Variants in ADGRL2 observed in about 807,000 individuals in gnomAD.
ADGRL2 encodes adhesion G protein-coupled receptor L2.
ADGRL2 carries 44 observed loss-of-function variants against 157.4 expected under a neutral mutation model. The ratio of observed to expected loss-of-function variants is 0.28; its 90% CI spans 0.22 to 0.36. The LOEUF (loss-of-function observed/expected upper bound fraction) is 0.36, where lower values mean the gene tolerates loss of function less well. Among genes scored for constraint, ADGRL2 ranks in the 10% least tolerant of loss-of-function variants. ADGRL2 has a pLI of 1.00. For synonymous variants in ADGRL2, 585 were observed against 624.7 expected, an observed-to-expected ratio of 0.94 and a Z score of 0.95; for missense variants, 1,510 against 1,768.9, an observed-to-expected ratio of 0.85 and a Z score of 2.63.
At chr1:81,860,197 C>G (rs1463747085) in intron 2 of ADGRL2, among the ~76,000 whole-genome samples, 4 of 152,154 alleles carry the variant, frequency 2.6e-5, no homozygotes, top group Admixed American at 2.0e-4. Context: ...GTACTCCAGC[C>G]TGGCGACAGA....
In ADGRL2 at chr1:81,991,271, A is replaced by G. The variant is rs555736453; in HGVS notation, c.*126A>G. ...TCTTGACCTGTGGTTCTCTGGTGTA[A>G]AAAAGATGACTGAACCTTGCAGTTC... On this transcript the variant is annotated 3_prime_UTR_variant, in exon 24 of 24. Coordinates refer to ENST00000686636, the MANE Select transcript of ADGRL2 (RefSeq NM_001366006.2). 2 of 866,182 alleles carry G rather than the reference A, an allele frequency of 2.3e-6. No homozygotes were observed. The highest frequency in any genetic ancestry group is 3.8e-5 in the South Asian group (2 of 51,982). 53.7% of individuals were successfully genotyped at this position (866,182 alleles called of 1,614,324 possible). A position where few individuals can be genotyped will look rare whatever the true frequency, so the allele number is the denominator to read the frequency against.
intron 1 of ADGRL2, among the ~76,000 whole-genome samples, chr1:81,737,055 C>G (rs2084925748): frequency 6.6e-6 from 1 of 151,964 alleles, no homozygotes; most frequent in Admixed American, 6.6e-5. Context: ...AGCATGGTCT[C>G]GATCTCCTGA....
chr1:81,306,877 A>AG (rs66490724), intron 1 of ADGRL2, among the ~76,000 whole-genome samples: 1 of 151,186 alleles, frequency 6.6e-6, no homozygotes, highest in Non-Finnish European at 1.5e-5. Context: ...ACCGTAACAA[A>AG]TTTTTTTTTT....
chr1:81,403,196 G>A (rs1334350178), intron 1 of ADGRL2, among the ~76,000 whole-genome samples: 2 of 151,560 alleles, frequency 1.3e-5, no homozygotes, highest in Non-Finnish European at 2.9e-5. Context: ...AAGAAAAAGG[G>A]AGCTATTGGA....
At chr1:81,624,784 CTG>C (rs2081874491) in intron 3 of ADGRL2, among the ~76,000 whole-genome samples, 1 of 152,176 alleles carries the variant, frequency 6.6e-6, no homozygotes, top group South Asian at 2.1e-4. Flanking sequence ...AGGAAACTGA[CTG>C]TGAAGTATGG....
intron 2 of ADGRL2, among the ~76,000 whole-genome samples, chr1:81,541,296 C>A (rs1167744272): frequency 1.3e-5 from 2 of 152,108 alleles, no homozygotes; most frequent in Admixed American, 1.3e-4. Context: ...AGGATGCAAC[C>A]AATGTCCAAA....
intron 1 of ADGRL2, among the ~76,000 whole-genome samples, chr1:81,355,649 G>T (rs1663230241): frequency 6.6e-6 from 1 of 151,358 alleles, no homozygotes; most frequent in Admixed American, 6.6e-5. Flanking sequence ...TACAGCACAA[G>T]AAGTGTACTA....
intron 2 of ADGRL2, among the ~76,000 whole-genome samples, chr1:81,773,540 T>C (rs2086459253): frequency 6.6e-6 from 1 of 152,112 alleles, no homozygotes; most frequent in Non-Finnish European, 1.5e-5. Flanking sequence ...CTTCTTATGG[T>C]AAGGTTAGGA....
intron 2 of ADGRL2, among the ~76,000 whole-genome samples, chr1:81,578,213 T>G (rs1570553219): frequency 1.3e-5 from 2 of 152,152 alleles, no homozygotes; most frequent in African/African-American, 2.4e-5. Context: ...AGGTAATGCT[T>G]GTCAGAAAGA....
intron 2 of ADGRL2, among the ~76,000 whole-genome samples, chr1:81,522,259 C>T (rs182678160): frequency 7.9e-5 from 12 of 151,938 alleles, no homozygotes; most frequent in South Asian, 2.1e-4. Flanking sequence ...GCCACTGTGC[C>T]GGGCCATAAA....
chr1:81,838,958 T>C (rs709703), intron 2 of ADGRL2, among the ~76,000 whole-genome samples: 151,140 of 151,986 alleles, frequency 0.99, 75,159 homozygotes, highest in Middle Eastern at 1. Flanking sequence ...AGAGTATACA[T>C]AGTTAATACA....
intron 1 of ADGRL2, chr1:81,721,891 A>G: frequency 1.4e-6 from 1 of 726,222 alleles, no homozygotes. Context: ...AAGGTGGAGG[A>G]AAACTTAAAG....
intron 1 of ADGRL2, among the ~76,000 whole-genome samples, chr1:81,835,072 A>T (rs1311281238): frequency 6.6e-6 from 1 of 152,056 alleles, no homozygotes; most frequent in Non-Finnish European, 1.5e-5. Context: ...CTTCCCACAA[A>T]CAAGGGCTCT....
chr1:81,911,110 T>C (rs1167703253), intron 3 of ADGRL2, among the ~76,000 whole-genome samples: 1 of 152,120 alleles, frequency 6.6e-6, no homozygotes, highest in Non-Finnish European at 1.5e-5. Context: ...ATGGTAAAAA[T>C]ATTGTATTCA....
chr1:81,521,301 T>C (rs1457066299), intron 2 of ADGRL2, among the ~76,000 whole-genome samples: 1 of 152,204 alleles, frequency 6.6e-6, no homozygotes, highest in African/African-American at 2.4e-5. Flanking sequence ...TTTTCCATCC[T>C]TTAAAACTAT....
At chr1:81,504,661 G>A (rs1420446446) in intron 2 of ADGRL2, among the ~76,000 whole-genome samples, 1 of 152,130 alleles carries the variant, frequency 6.6e-6, no homozygotes, top group African/African-American at 2.4e-5. Flanking sequence ...ACGGGGGCGG[G>A]GAGGTGGAGT....
At position 81,471,737 on chromosome 1, in the gene ADGRL2, T is replaced by C. The variant is rs574343555; in HGVS notation, c.-248+26648T>C. Among the ~76,000 whole-genome samples, 178 of 152,314 alleles carry C rather than the reference T, an allele frequency of 1.2e-3. 2 individuals are homozygous for C. The highest frequency in any genetic ancestry group is 4.1e-3 in the African/African-American group (171 of 41,572). On this transcript the variant is annotated intron_variant, in intron 2 of 24. Transcript: ENST00000370721. ...GATTGACTTTCTGCAGGTACTTAAC[T>C]TGTGGAAACAGCAACGAGGTCTTTA...
At position 81,507,816 on chromosome 1, in the gene ADGRL2, A is replaced by G. The variant is rs557952644; in HGVS notation, c.-248+62727A>G. On this transcript the variant is annotated intron_variant, in intron 2 of 24. Coordinates refer to the ADGRL2 transcript ENST00000370721. ...ATGCTACCTTATGCTACCTAAGGAC[A>G]TATCCCATTTTCCATTCTCCTGGTA... Among the ~76,000 whole-genome samples the G allele has an allele frequency of 4.6e-5, 7 of 152,276 alleles. No homozygotes were observed. The East Asian group carries it at 1.4e-3, about 29-fold the overall frequency.
chr1:81,687,156 T>G (rs1243075171), intron 3 of ADGRL2, among the ~76,000 whole-genome samples: 1 of 152,204 alleles, frequency 6.6e-6, no homozygotes, highest in Non-Finnish European at 1.5e-5. Flanking sequence ...TAAGTCCATT[T>G]GTTCCAAGGT....
Sources: gnomAD v4.1 joint callset for allele counts (sites outside exome capture counted in the v4.1 genomes callset) on GRCh38, gnomAD v4.1.1 for gene constraint, MANE v1.5 for transcripts, NCBI Gene and HGNC (gene_info 2026-07-23, HGNC 2026-07-21) for gene names.